MITF: variants seen among roughly 807,000 people sequenced by gnomAD.
The protein encoded by MITF is microphthalmia-associated transcription factor.
In MITF, 17 loss-of-function variants were observed where a neutral mutation model predicts 60.5. That is an observed-to-expected ratio of 0.28 (90% CI 0.19 to 0.42). The LOEUF is 0.42. MITF is among the 10% of genes least tolerant of loss of function. The pLI is 1.00. For missense variants in MITF, 622 were observed against 683.5 expected, an observed-to-expected ratio of 0.91 and a Z score of 1.00; for synonymous variants, 260 against 248.5, an observed-to-expected ratio of 1.05 and a Z score of -0.43.
chr3:69,765,322 C>CT (rs2062273279), intron 1 of MITF, among the ~76,000 whole-genome samples: 1 of 152,092 alleles, frequency 6.6e-6, no homozygotes, highest in Non-Finnish European at 1.5e-5. Flanking sequence ...CAGAATGTGT[C>CT]TTTTTACTTT....
At chr3:69,760,937 T>C (rs1460175651) in intron 1 of MITF, among the ~76,000 whole-genome samples, 2 of 152,324 alleles carry the variant, frequency 1.3e-5, no homozygotes, top group East Asian at 3.9e-4. Context: ...TGGAATTCTT[T>C]TAGAAAGAAG....
chr3:69,889,177 A>G (rs1446133640), intron 2 of MITF, among the ~76,000 whole-genome samples: 1 of 151,842 alleles, frequency 6.6e-6, no homozygotes, highest in Non-Finnish European at 1.5e-5. Flanking sequence ...GTAGTGCATT[A>G]TAGTTTGAAT....
chr3:69,938,318 A>G (rs779739584), intron 3 of MITF: 73 of 1,545,064 alleles, frequency 4.7e-5, no homozygotes, highest in Non-Finnish European at 5.5e-5. Flanking sequence ...CTTCTTCCTT[A>G]GCTGAGTGCT....
At chr3:69,808,418 A>G (rs1421493847) in intron 1 of MITF, among the ~76,000 whole-genome samples, 1 of 152,176 alleles carries the variant, frequency 6.6e-6, no homozygotes, top group African/African-American at 2.4e-5. Flanking sequence ...ATTCTCTGTC[A>G]TGGGGCTTGC....
At chr3:69,749,660 T>C (rs966475880) in intron 1 of MITF, among the ~76,000 whole-genome samples, 1 of 152,232 alleles carries the variant, frequency 6.6e-6, no homozygotes, top group African/African-American at 2.4e-5. Context: ...CCTAAAAATA[T>C]AAGCAACTGG....
intron 1 of MITF, among the ~76,000 whole-genome samples, chr3:69,818,979 G>A (rs756566044): frequency 6.6e-6 from 1 of 152,114 alleles, no homozygotes; most frequent in African/African-American, 2.4e-5. Context: ...AAAATGAAAA[G>A]CAGTAATCAT....
chr3:69,936,605 G>A (rs915045989), intron 2 of MITF: 89 of 1,553,376 alleles, frequency 5.7e-5, no homozygotes, highest in Non-Finnish European at 7.7e-5. Context: ...GGTGTCTCGG[G>A]ATACCTTGTT....
chr3:69,789,057 C>T (rs2062697767), intron 1 of MITF, among the ~76,000 whole-genome samples: 2 of 151,882 alleles, frequency 1.3e-5, no homozygotes, highest in Admixed American at 1.3e-4. Flanking sequence ...GTATGTAACA[C>T]CAAAAGCACA....
intron 2 of MITF, among the ~76,000 whole-genome samples, chr3:69,888,549 C>T (rs1298037246): frequency 6.6e-6 from 1 of 151,704 alleles, no homozygotes; most frequent in Non-Finnish European, 1.5e-5. Flanking sequence ...AAGCCGTAGA[C>T]GTACATTGAC....
At chr3:69,899,714 T>A (rs2064955693) in intron 2 of MITF, among the ~76,000 whole-genome samples, 1 of 152,168 alleles carries the variant, frequency 6.6e-6, no homozygotes, top group South Asian at 2.1e-4. Flanking sequence ...TGGAAAAAAT[T>A]CTTTTTTCCA....
chr3:69,947,618 G>A (rs1343496350), intron 5 of MITF, among the ~76,000 whole-genome samples: 1 of 152,116 alleles, frequency 6.6e-6, no homozygotes, highest in Non-Finnish European at 1.5e-5. Flanking sequence ...ATGGGGGTAT[G>A]TGTATTAGGT....
At chr3:69,897,954 A>G (rs145001880) in intron 2 of MITF, among the ~76,000 whole-genome samples, 3 of 152,342 alleles carry the variant, frequency 2.0e-5, no homozygotes, top group Admixed American at 1.3e-4. Flanking sequence ...CAAAACAAAT[A>G]TATTTATTGA....
intron 1 of MITF, among the ~76,000 whole-genome samples, chr3:69,784,712 T>C (rs1287181687): frequency 6.6e-6 from 1 of 152,160 alleles, no homozygotes; most frequent in East Asian, 1.9e-4. Context: ...TTATTAGAGA[T>C]TGGAACTTTT....
At chr3:69,758,050 T>A (rs2062155398) in intron 1 of MITF, among the ~76,000 whole-genome samples, 1 of 146,102 alleles carries the variant, frequency 6.8e-6, no homozygotes, top group Non-Finnish European at 1.5e-5. Context: ...TGTCTATATA[T>A]ATAATACTCT....
Position 69,956,540 on chromosome 3 carries a change from A to G in MITF, c.1031+10A>G. On this transcript the variant is annotated intron_variant, in intron 8 of 9. Coordinates refer to ENST00000352241, the MANE Select transcript of MITF (RefSeq NM_001354604.2). ...CCAAGTCAAATGATCCGTGAGTACA[A>G]TCGCGTGTTAATCTGCATCATATAT... 6.2e-7 allele frequency: 1 copy of G among 1,601,714 alleles called. No individual in the cohort carries two copies. The highest frequency in any genetic ancestry group is 1.7e-5 in the Admixed American group (1 of 60,002).
intron 1 of MITF, among the ~76,000 whole-genome samples, chr3:69,864,159 T>C (rs1353024927): frequency 1.3e-5 from 2 of 152,214 alleles, no homozygotes; most frequent in Admixed American, 1.3e-4. Flanking sequence ...TTATTTCTCC[T>C]TTCTCAGGTG....
chr3:69,801,278 C>T (rs1286867831), intron 1 of MITF, among the ~76,000 whole-genome samples: 1 of 152,006 alleles, frequency 6.6e-6, no homozygotes, highest in African/African-American at 2.4e-5. Flanking sequence ...CCCTCTCCTC[C>T]CATTCATTAG....
chr3:69,780,041 G>A (rs1198437675), intron 1 of MITF, among the ~76,000 whole-genome samples: 4 of 152,182 alleles, frequency 2.6e-5, no homozygotes, highest in Admixed American at 6.6e-5. Context: ...GGGCTGATAA[G>A]AGAAGCTGAT....
chr3:69,944,153 T>C (rs2066036812), intron 5 of MITF, among the ~76,000 whole-genome samples: 1 of 152,152 alleles, frequency 6.6e-6, no homozygotes, highest in Non-Finnish European at 1.5e-5. Flanking sequence ...TCATTCCATC[T>C]ACATTAGCGT....
Sources: gnomAD v4.1 joint callset for allele counts (sites outside exome capture counted in the v4.1 genomes callset) on GRCh38, gnomAD v4.1.1 for gene constraint, MANE v1.5 for transcripts, NCBI Gene and HGNC (gene_info 2026-07-23, HGNC 2026-07-21) for gene names.